LCORL: variants seen among roughly 807,000 people sequenced by gnomAD.
LCORL encodes the protein ligand dependent nuclear receptor corepressor like.
Under a neutral mutation model 141.8 loss-of-function variants are expected in LCORL, and 41 were observed. The observed-to-expected ratio is 0.29, with a 90% CI of 0.23 to 0.38. The LOEUF (loss-of-function observed/expected upper bound fraction) is 0.38, where lower values mean the gene tolerates loss of function less well. LCORL is among the 10% of genes least tolerant of loss of function. The pLI is 1.00. For synonymous variants in LCORL, 618 were observed against 694.1 expected (o/e 0.89, Z 1.72); for missense variants, 1,759 against 2,035.0 (o/e 0.86, Z 2.61).
intron 7 of LCORL, among the ~76,000 whole-genome samples, chr4:17,872,488 G>A (rs1726468781): frequency 6.6e-6 from 1 of 152,142 alleles, no homozygotes; most frequent in Non-Finnish European, 1.5e-5. Flanking sequence ...TTACAAATTT[G>A]TGTTGGGTCA....
chr4:17,914,138 G>A (rs760732036), intron 4 of LCORL, among the ~76,000 whole-genome samples: 16 of 152,164 alleles, frequency 1.1e-4, no homozygotes, highest in Non-Finnish European at 2.1e-4. Flanking sequence ...AAATATCCAT[G>A]TTGCAGAAAG....
At chr4:17,998,192 A>G (rs1392404251) in intron 1 of LCORL, among the ~76,000 whole-genome samples, 3 of 152,192 alleles carry the variant, frequency 2.0e-5, no homozygotes, top group Non-Finnish European at 4.4e-5. Flanking sequence ...CCATGAATGG[A>G]GCTTGAAGGA....
At chr4:17,851,496 T>C (rs1723706053) in intron 7 of LCORL, among the ~76,000 whole-genome samples, 1 of 152,196 alleles carries the variant, frequency 6.6e-6, no homozygotes, top group African/African-American at 2.4e-5. Context: ...AAATATGTAT[T>C]TTGGATACTG....
chr4:18,021,584 C>A lies in LCORL; in HGVS notation c.154+14G>T. The A allele has an allele frequency of 6.6e-7, 1 of 1,516,458 alleles. No homozygotes were observed. Among genetic ancestry groups the A allele is most frequent in the Admixed American group, 2.2e-5 (1 of 46,230 alleles). 93.9% of individuals were successfully genotyped at this position (1,516,458 alleles called of 1,614,324 possible). ...CCGCGCGGAGCCCGGGGCCCCGGCC[C>A]GCGTCTCTCTTACCTACACAGTGCA... On this transcript the variant is annotated intron_variant, in intron 1 of 7. Transcript: ENST00000635767. This position sits in a 1 kb window ranked among gnomAD's most constrained non-coding sequence, Gnocchi z 5.5.
chr4:17,988,672 C>T (rs1719446307), intron 1 of LCORL, among the ~76,000 whole-genome samples: 1 of 152,150 alleles, frequency 6.6e-6, no homozygotes, highest in South Asian at 2.1e-4. Flanking sequence ...TTATAATCAT[C>T]AAAGATGTTA....
At chr4:17,874,074 T>C in exon 7 of LCORL, 1 of 1,233,546 alleles carries the variant, frequency 8.1e-7, no homozygotes, top group South Asian at 4.1e-5. Flanking sequence ...TCCCTCAGTC[T>C]TATTTAAAAA....
At chr4:17,948,452 G>A (rs1018491517) in intron 4 of LCORL, among the ~76,000 whole-genome samples, 2 of 152,002 alleles carry the variant, frequency 1.3e-5, no homozygotes, top group Non-Finnish European at 2.9e-5. Flanking sequence ...ATATTTTAAC[G>A]GAGGAGACAG....
exon 7 of LCORL, chr4:17,875,319 G>A: frequency 8.1e-7 from 1 of 1,231,390 alleles, no homozygotes; most frequent in Non-Finnish European, 1.0e-6. Flanking sequence ...AGGTATCACA[G>A]ATTTGTTCTT....
intron 4 of LCORL, among the ~76,000 whole-genome samples, chr4:17,943,920 T>C (rs1394599285): frequency 6.6e-6 from 1 of 152,208 alleles, no homozygotes. Flanking sequence ...TTACTCACAC[T>C]TTACTTAAGG....
At position 17,909,869 on chromosome 4, in the gene LCORL, T is replaced by C. The variant is rs557319833; in HGVS notation, c.431-524A>G. On this transcript the variant is annotated intron_variant, in intron 4 of 7. Transcript: ENST00000635767. ...AAGGATTTTCTTTTGATTTTTTATA[T>C]AGAAAAATTTTGATTATAAATAAAA... Among the ~76,000 whole-genome samples, 21 of 152,252 alleles carry C rather than the reference T, an allele frequency of 1.4e-4. No individual in the cohort carries two copies. The Middle Eastern group carries it at 0.017, about 126-fold the overall frequency.
At position 18,021,713 on chromosome 4, in the gene LCORL, G is replaced by A. The variant is rs577955980; in HGVS notation, c.39C>T (p.Ala13=). The A allele has an allele frequency of 8.5e-6, 13 of 1,525,284 alleles. No individual in the cohort carries two copies. Among genetic ancestry groups the A allele is most frequent in the Admixed American group, 8.5e-5 (4 of 46,962 alleles). The allele number at this position is 1,525,284 out of a possible 1,614,324, so 94.5% of individuals were successfully genotyped here. A position where few individuals can be genotyped will look rare whatever the true frequency, so the allele number is the denominator to read the frequency against. ...CGGCGGCGGCGGCGGCGGCAGCAGC[G>A]GCGGCGGCAGCGGCCATTCTCTCTC... Residue 13 remains alanine, a synonymous_variant, in exon 1 of 8, where the codon GCC becomes GCT. Coordinates refer to ENST00000635767, the Ensembl canonical transcript of LCORL. This position sits in a 1 kb window ranked among gnomAD's most constrained non-coding sequence, Gnocchi z 5.5.
At chr4:18,013,857 G>A (rs563770679) in intron 1 of LCORL, among the ~76,000 whole-genome samples, 5 of 151,162 alleles carry the variant, frequency 3.3e-5, no homozygotes, top group African/African-American at 1.2e-4. Context: ...CACCTAGGCT[G>A]GAGTACAGTT....
intron 7 of LCORL, among the ~76,000 whole-genome samples, chr4:17,853,751 G>T (rs1488694378): frequency 3.3e-5 from 5 of 152,122 alleles, no homozygotes; most frequent in Non-Finnish European, 7.4e-5. Context: ...GCTCTGTCCT[G>T]CAAATTGATG....
intron 4 of LCORL, among the ~76,000 whole-genome samples, chr4:17,952,451 T>C (rs1006181815): frequency 2.6e-5 from 4 of 151,354 alleles, no homozygotes; most frequent in African/African-American, 9.7e-5. Context: ...GGACTTGTTC[T>C]GTCGCCCAGG....
intron 7 of LCORL, among the ~76,000 whole-genome samples, chr4:17,860,262 C>A (rs945411554): frequency 6.6e-6 from 1 of 152,126 alleles, no homozygotes; most frequent in African/African-American, 2.4e-5. Flanking sequence ...GAGACATACC[C>A]GAGACTGGGC....
At chr4:17,962,501 C>CA (rs1234948771) in intron 3 of LCORL, among the ~76,000 whole-genome samples, 2 of 152,000 alleles carry the variant, frequency 1.3e-5, no homozygotes, top group African/African-American at 4.8e-5. Context: ...GCCCCGTATA[C>CA]AGTAGACACT....
intron 4 of LCORL, among the ~76,000 whole-genome samples, chr4:17,960,966 T>C (rs1384306412): frequency 1.3e-5 from 2 of 152,092 alleles, no homozygotes; most frequent in East Asian, 3.9e-4. Context: ...CTTAGAACAC[T>C]TAAGACTAAA....
intron 7 of LCORL, among the ~76,000 whole-genome samples, chr4:17,850,965 C>A (rs1723600911): frequency 2.7e-5 from 4 of 147,056 alleles, no homozygotes; most frequent in Admixed American, 6.8e-5. Flanking sequence ...ATGATGAGTT[C>A]ATGTCCTTTG....
At chr4:17,850,081 T>G (rs1440077195) in intron 7 of LCORL, among the ~76,000 whole-genome samples, 4 of 149,518 alleles carry the variant, frequency 2.7e-5, no homozygotes, top group East Asian at 2.0e-4. Context: ...TAGCCATATG[T>G]AGAAAGCTGA....
Sources: allele counts gnomAD v4.1 joint callset (sites outside exome capture counted in the v4.1 genomes callset), GRCh38; gene constraint gnomAD v4.1.1; non-coding constraint Gnocchi (gnomAD v3.1); transcripts MANE v1.5; gene names NCBI Gene and HGNC (gene_info 2026-07-23, HGNC 2026-07-21).